Variants in AP3D1 observed in about 807,000 individuals in gnomAD.
AP3D1 encodes the protein AP-3 complex subunit delta-1.
A neutral mutation model predicts 147.6 loss-of-function variants in AP3D1; 51 were observed. The observed-to-expected ratio is 0.35, with a 90% CI of 0.28 to 0.44. AP3D1 has a LOEUF of 0.44. AP3D1 is among the 20% of genes least tolerant of loss of function. The pLI, the probability that AP3D1 is intolerant of heterozygous loss-of-function variation, is 1.00. For missense variants in AP3D1, 1,421 were observed against 1,624.2 expected, an observed-to-expected ratio of 0.87 and a Z score of 2.15; for synonymous variants, 760 against 663.0, an observed-to-expected ratio of 1.15 and a Z score of -2.25.
intron 29 of AP3D1, 29 bp from the exon 30 acceptor site, chr19:2,109,236 G>A (rs1471625377): frequency 1.3e-5 from 20 of 1,550,130 alleles, no homozygotes; most frequent in East Asian, 2.3e-5. Context: ...GGCTGACTGC[G>A]GTGGGGCCGG....
intron 4 of AP3D1, among the ~76,000 whole-genome samples, chr19:2,136,509 G>A (rs1299070864): frequency 1.3e-5 from 2 of 152,148 alleles, no homozygotes; most frequent in Non-Finnish European, 2.9e-5. Flanking sequence ...TCAGAGCTCG[G>A]GGCCAATAAG....
intron 1 of AP3D1, among the ~76,000 whole-genome samples, chr19:2,157,858 C>G (rs1214224548): frequency 2.0e-5 from 3 of 152,164 alleles, no homozygotes; most frequent in African/African-American, 7.2e-5. Context: ...GATGTCAGGA[C>G]AAATGGAAGA....
Position 2,110,638 on chromosome 19 carries a change from C to T in AP3D1, c.3175+69G>A, listed in dbSNP as rs1043548686. On this transcript the variant is annotated intron_variant, in intron 27 of 31. Transcript: ENST00000643116. ...AGGAAGCAACAAGAACCAGCGGATCCGGGCAGTCACCAGCTGCCACTGCGC... is the reference window on the plus strand; with the variant it reads ...AGGAAGCAACAAGAACCAGCGGATCTGGGCAGTCACCAGCTGCCACTGCGC... The T allele has an allele frequency of 3.5e-5, 50 of 1,441,568 alleles. No individual in the cohort carries two copies. In the East Asian group the frequency reaches 4.7e-4, roughly 14 times the overall value. The allele number at this position is 1,441,568 out of a possible 1,614,324, so 89.3% of individuals were successfully genotyped here.
At chr19:2,127,313 T>C (rs2018784509) in intron 8 of AP3D1, 112 bp from the exon 9 acceptor site, 3 of 1,196,842 alleles carry the variant, frequency 2.5e-6, no homozygotes, top group Non-Finnish European at 3.6e-6. Flanking sequence ...GCTCAGGGAG[T>C]GTGCCCCAGG....
At chr19:2,152,641 G>T (rs761196223), upstream of AP3D1, among the ~76,000 whole-genome samples, 3 of 151,998 alleles carry the variant, frequency 2.0e-5, no homozygotes, top group Non-Finnish European at 4.4e-5. Context: ...ACTTTGGGAG[G>T]CCGAGGCAGG....
chr19:2,123,467 G>C, intron 10 of AP3D1, 61 bp from the exon 11 acceptor site: 1 of 1,563,482 alleles, frequency 6.4e-7, no homozygotes, highest in Non-Finnish European at 8.8e-7. Flanking sequence ...AGTCCCACAG[G>C]TACCCTCCAG....
At chr19:2,105,741 G>A (rs564524292) in intron 31 of AP3D1, among the ~76,000 whole-genome samples, 237 of 152,228 alleles carry the variant, frequency 1.6e-3, no homozygotes, top group Non-Finnish European at 2.6e-3. Context: ...CGGCAGGGAG[G>A]AAGTGTGCAG....
rs1448127955 is a variant in AP3D1, at chr19:2,116,288, A to G, written c.2002-10T>C. 6.2e-7 allele frequency: 1 copy of G among 1,613,550 alleles called. No individual in the cohort carries two copies. The highest frequency in any genetic ancestry group is 2.2e-5 in the East Asian group (1 of 44,878). ...TCCGGGCCTCTCGGCGCTGTGGGAC[A>G]CAGCTTGGCATGAGCCCGAGAGAAG... On this transcript the variant is annotated splice_polypyrimidine_tract_variant and intron_variant, in intron 17 of 31. Coordinates refer to ENST00000643116, the MANE Select transcript of AP3D1 (RefSeq NM_001261826.3).
chr19:2,120,529 T>C (rs1397374141), intron 14 of AP3D1, among the ~76,000 whole-genome samples: 1 of 152,150 alleles, frequency 6.6e-6, no homozygotes, highest in Non-Finnish European at 1.5e-5. Flanking sequence ...GAACTGAGCC[T>C]TGCAGATGCC....
At chr19:2,117,145 A>T in intron 16 of AP3D1, 77 bp downstream of exon 16, 3 of 1,493,720 alleles carry the variant, frequency 2.0e-6, no homozygotes, top group Non-Finnish European at 2.7e-6. Context: ...GGGGTGCAGG[A>T]GCCCCCGCTG....
rs756861346 is a variant in AP3D1, at chr19:2,132,616, C to T, written c.355-38G>A. The T allele has an allele frequency of 2.6e-6, 4 of 1,568,292 alleles. No homozygotes were observed. In the African/African-American group the frequency reaches 5.4e-5, roughly 21 times the overall value. Reference sequence around the variant, plus strand: ...AGAAAGGGGCCGTGGCCAGGATGCCCTGGGTGGCACATCCGACGCCTGGGT... The same window carrying T: ...AGAAAGGGGCCGTGGCCAGGATGCCTTGGGTGGCACATCCGACGCCTGGGT... On this transcript the variant is annotated intron_variant, in intron 4 of 31. Transcript: ENST00000643116.
At chr19:2,115,155 GC>G (rs2145039728) in intron 20 of AP3D1, 63 bp downstream of exon 20, 1 of 1,515,994 alleles carries the variant, frequency 6.6e-7, no homozygotes, top group Non-Finnish European at 9.0e-7. Flanking sequence ...ACTGTGCATG[GC>G]CCCAGGACAC....
chr19:2,158,214 C>T (rs1372261742), intron 1 of AP3D1, among the ~76,000 whole-genome samples: 1 of 152,104 alleles, frequency 6.6e-6, no homozygotes, highest in Non-Finnish European at 1.5e-5. Flanking sequence ...CGCCACCACG[C>T]CCGGCTAATT....
chr19:2,111,506 C>T (rs1007044754), intron 25 of AP3D1, 173 bp downstream of exon 25: 18 of 1,198,602 alleles, frequency 1.5e-5, no homozygotes, highest in African/African-American at 1.1e-4. Context: ...CAGCCCACCA[C>T]GGGGGTGCCT....
rs2019230953 is a variant in AP3D1, at chr19:2,141,937, T to C, written c.97-3223A>G. Among the ~76,000 whole-genome samples the C allele has an allele frequency of 4.0e-5, 6 of 149,702 alleles. No homozygotes were observed. The South Asian group carries it at 1.3e-3, about 31-fold the overall frequency. On this transcript the variant is annotated intron_variant, in intron 1 of 31. Coordinates refer to ENST00000643116, the MANE Select transcript of AP3D1 (RefSeq NM_001261826.3). ...GCGAATTTTTAAAATTATATATATT[T>C]ATATATATTTATTTTTGCATATATT...
At chr19:2,155,030 A>C (rs2019633594), upstream of AP3D1, among the ~76,000 whole-genome samples, 1 of 152,064 alleles carries the variant, frequency 6.6e-6, no homozygotes, top group Non-Finnish European at 1.5e-5. Context: ...AAGTACAAAA[A>C]TTAGCCGGGC....
Position 2,112,903 on chromosome 19 carries a change from G to A in AP3D1, c.2744C>T (p.Ala915Val), listed in dbSNP as rs568823322. 6.7e-5 allele frequency: 108 copies of A among 1,613,206 alleles called. No individual in the cohort carries two copies. In the Middle Eastern group the frequency reaches 9.9e-4, roughly 15 times the overall value. ...CTCGGCATCGTCCTCCTCGCCCTGCGCCTCCGTCTTGGCGTCCTCACACTC... is the reference window on the plus strand; with the variant it reads ...CTCGGCATCGTCCTCCTCGCCCTGCACCTCCGTCTTGGCGTCCTCACACTC... ...KDECEDAKTE[A>V]QGEEDDAEGQ... The change falls in exon 24 of 32, where the codon GCG becomes GTG. Residue 915 changes from alanine (A) to valine (V), a missense_variant. This residue lies in a region of AP3D1 where 791 missense variants were observed against 761.4 expected (regional missense o/e 1.04). Coordinates refer to ENST00000643116, the MANE Select transcript of AP3D1 (RefSeq NM_001261826.3).
At chr19:2,108,401 G>A (rs1341672127) in intron 31 of AP3D1, among the ~76,000 whole-genome samples, 1 of 152,236 alleles carries the variant, frequency 6.6e-6, no homozygotes, top group Non-Finnish European at 1.5e-5. Context: ...GCTGCCTTGT[G>A]CACAGGGGTG....
chr19:2,109,272 G>A (rs1191995837), intron 29 of AP3D1, 65 bp from the exon 30 acceptor site: 5 of 1,507,168 alleles, frequency 3.3e-6, no homozygotes, highest in African/African-American at 2.8e-5. Flanking sequence ...TGGCACAGAG[G>A]CCAACAAAAC....
Sources: gnomAD v4.1 joint callset for allele counts (sites outside exome capture counted in the v4.1 genomes callset) on GRCh38, gnomAD v4.1.1 for gene constraint, gnomAD v4.1.1 regional missense constraint, MANE v1.5 for transcripts, NCBI Gene and HGNC (gene_info 2026-07-23, HGNC 2026-07-21) for gene names.